TMEM161B: variants seen among roughly 807,000 people sequenced by gnomAD.
The protein encoded by TMEM161B is transmembrane protein 161B.
Under a neutral mutation model 61.8 loss-of-function variants are expected in TMEM161B, and 34 were observed. The ratio of observed to expected loss-of-function variants is 0.55; its 90% CI spans 0.42 to 0.73. TMEM161B has a LOEUF of 0.73. Among genes scored for constraint, TMEM161B ranks in the 30% least tolerant of loss-of-function variants. TMEM161B has a pLI of 0.00. For synonymous variants in TMEM161B, 167 were observed against 192.8 expected (o/e 0.87, Z 1.11); for missense variants, 456 against 558.5 (o/e 0.82, Z 1.85).
intron 1 of TMEM161B, among the ~76,000 whole-genome samples, chr5:88,262,885 A>T (rs1291264203): frequency 6.6e-6 from 1 of 152,162 alleles, no homozygotes; most frequent in Admixed American, 6.5e-5. Flanking sequence ...ATTTCTGTGA[A>T]CCTAAAACTA....
At chr5:88,251,474 A>C (rs926059684) in intron 1 of TMEM161B, among the ~76,000 whole-genome samples, 1 of 152,078 alleles carries the variant, frequency 6.6e-6, no homozygotes, top group African/African-American at 2.4e-5. Flanking sequence ...AGATTGTTTC[A>C]ACAGGGGGGA....
intron 2 of TMEM161B, among the ~76,000 whole-genome samples, chr5:88,239,830 A>T (rs1270381323): frequency 6.6e-6 from 1 of 152,050 alleles, no homozygotes; most frequent in African/African-American, 2.4e-5. Flanking sequence ...TGAAAAGCGT[A>T]TTTGTCTTGT....
intron 5 of TMEM161B, among the ~76,000 whole-genome samples, chr5:88,209,292 A>C (rs1746218806): frequency 6.6e-6 from 1 of 152,142 alleles, no homozygotes; most frequent in African/African-American, 2.4e-5. Flanking sequence ...TCATAGCCTA[A>C]ATGCCTTAAA....
intron 1 of TMEM161B, among the ~76,000 whole-genome samples, chr5:88,262,694 G>A (rs1237832458): frequency 6.6e-6 from 1 of 152,050 alleles, no homozygotes; most frequent in African/African-American, 2.4e-5. Flanking sequence ...CCCATAGAAT[G>A]TACAACACCA....
chr5:88,197,492 T>G (rs1282040459), intron 11 of TMEM161B, among the ~76,000 whole-genome samples, 177 bp downstream of exon 11: 2 of 151,896 alleles, frequency 1.3e-5, no homozygotes, highest in Non-Finnish European at 2.9e-5. Flanking sequence ...TGGGCCTGAG[T>G]TTTCAAAATG....
rs1369919655 is a variant in TMEM161B, at chr5:88,240,857, A to G, written c.63T>C (p.Ile21=). The G allele has an allele frequency of 6.2e-7, 1 of 1,611,574 alleles. No homozygotes were observed. Among genetic ancestry groups the G allele is most frequent in the Non-Finnish European group, 8.5e-7 (1 of 1,178,456 alleles). Residue 21 remains isoleucine (I), a synonymous_variant, in exon 2 of 12, where the codon ATT becomes ATC. Transcript: ENST00000296595. ...ATCGAGCAAGAGAATAGTGAGGTATAATCTTCTGCATGACACTGGCCATCA... is the reference window on the plus strand; with the variant it reads ...ATCGAGCAAGAGAATAGTGAGGTATGATCTTCTGCATGACACTGGCCATCA... ...TMVMASVMQK[I]IPHYSLARWL... is the part of the protein sequence containing the mutation.
At chr5:88,237,714 C>T (rs946163701) in intron 2 of TMEM161B, among the ~76,000 whole-genome samples, 5 of 64,528 alleles carry the variant, frequency 7.7e-5, no homozygotes, top group African/African-American at 3.5e-4. Flanking sequence ...AACCAGACTA[C>T]TATACAGTTT....
intron 1 of TMEM161B, among the ~76,000 whole-genome samples, chr5:88,262,758 T>G (rs960944761): frequency 6.6e-6 from 1 of 152,124 alleles, no homozygotes; most frequent in African/African-American, 2.4e-5. Flanking sequence ...TGTGTCAATG[T>G]AGATTCATCA....
intron 1 of TMEM161B, among the ~76,000 whole-genome samples, chr5:88,246,130 C>T (rs1012287645): frequency 1.1e-4 from 17 of 151,792 alleles, no homozygotes; most frequent in Non-Finnish European, 2.2e-4. Context: ...CTTTACTATG[C>T]CATTTCCCTC....
downstream of TMEM161B, among the ~76,000 whole-genome samples, chr5:88,193,126 C>T (rs368507414): frequency 7.9e-5 from 12 of 152,150 alleles, 1 homozygote; most frequent in African/African-American, 2.9e-4. Flanking sequence ...TAAAAATGCA[C>T]ATGGATATTA....
At chr5:88,223,091 C>G (rs1280004100) in intron 4 of TMEM161B, among the ~76,000 whole-genome samples, 1 of 151,006 alleles carries the variant, frequency 6.6e-6, no homozygotes, top group African/African-American at 2.4e-5. Context: ...AAACCAAATA[C>G]TCCATAAACT....
chr5:88,260,805 T>C (rs899542524), intron 1 of TMEM161B, among the ~76,000 whole-genome samples: 3 of 152,322 alleles, frequency 2.0e-5, no homozygotes, highest in African/African-American at 7.2e-5. Flanking sequence ...AAGAATTTTT[T>C]TAATTGAAAT....
chr5:88,210,969 T>A (rs1181375962), intron 5 of TMEM161B, among the ~76,000 whole-genome samples: 1 of 152,204 alleles, frequency 6.6e-6, no homozygotes, highest in African/African-American at 2.4e-5. Flanking sequence ...ATATGCAGTC[T>A]CTGTAGCATA....
At chr5:88,222,759 A>G (rs1749239231) in intron 4 of TMEM161B, among the ~76,000 whole-genome samples, 1 of 152,212 alleles carries the variant, frequency 6.6e-6, no homozygotes, top group South Asian at 2.1e-4. Context: ...TGGGACATCA[A>G]TAATATATAC....
chr5:88,246,587 T>C (rs1407846179), intron 1 of TMEM161B, among the ~76,000 whole-genome samples: 2 of 151,920 alleles, frequency 1.3e-5, no homozygotes, highest in African/African-American at 2.4e-5. Flanking sequence ...GTTCATTAAC[T>C]AAGAAACACA....
intron 2 of TMEM161B, among the ~76,000 whole-genome samples, chr5:88,229,879 C>T (rs1750697094): frequency 6.6e-6 from 1 of 151,692 alleles, no homozygotes; most frequent in African/African-American, 2.4e-5. Context: ...AGCCATGGTG[C>T]ACAGTCTCTT....
intron 5 of TMEM161B, among the ~76,000 whole-genome samples, chr5:88,211,714 T>C (rs1466277402): frequency 1.4e-5 from 2 of 147,988 alleles, no homozygotes; most frequent in Non-Finnish European, 3.0e-5. Flanking sequence ...GAGGTTGCAG[T>C]GAGCCGAGAT....
At chr5:88,259,032 G>T (rs1016174636) in intron 1 of TMEM161B, among the ~76,000 whole-genome samples, 4 of 152,138 alleles carry the variant, frequency 2.6e-5, no homozygotes, top group Non-Finnish European at 4.4e-5. Context: ...GAGCAGAACA[G>T]CTTGTTGAAG....
chr5:88,251,740 T>C (rs1754366158), intron 1 of TMEM161B, among the ~76,000 whole-genome samples: 1 of 152,164 alleles, frequency 6.6e-6, no homozygotes, highest in Admixed American at 6.6e-5. Context: ...AAATCCAAAT[T>C]ATGTCGCCAC....
Sources: gnomAD v4.1 joint callset for allele counts (sites outside exome capture counted in the v4.1 genomes callset) on GRCh38, gnomAD v4.1.1 for gene constraint, MANE v1.5 for transcripts, NCBI Gene and HGNC (gene_info 2026-07-23, HGNC 2026-07-21) for gene names.